COLQ: variants seen among roughly 807,000 people sequenced by gnomAD.
COLQ encodes collagen like tail subunit of asymmetric acetylcholinesterase, also known as acetylcholinesterase collagenic tail peptide.
Under a neutral mutation model 69.0 loss-of-function variants are expected in COLQ, and 48 were observed. The ratio of observed to expected loss-of-function variants is 0.70; its 90% CI spans 0.55 to 0.88. The LOEUF (loss-of-function observed/expected upper bound fraction) is 0.88. Ranked by LOEUF, COLQ falls within the 40% of genes least tolerant of loss-of-function variation. The probability of loss-of-function intolerance (pLI) is 0.00; values close to 1 mark genes in which losing one functional copy is unlikely to be tolerated. For synonymous variants in COLQ, 217 were observed against 211.2 expected (o/e 1.03, Z -0.24); for missense variants, 618 against 594.6 (o/e 1.04, Z -0.41).
intron 15 of COLQ, among the ~76,000 whole-genome samples, chr3:15,454,743 AC>A (rs2062002498): frequency 6.8e-6 from 1 of 147,580 alleles, no homozygotes; most frequent in Non-Finnish European, 1.5e-5. Flanking sequence ...GCAGCCTTGA[AC>A]CCCTGGGCTC....
chr3:15,476,874 C>T (rs529311258), intron 6 of COLQ, among the ~76,000 whole-genome samples: 5 of 152,336 alleles, frequency 3.3e-5, no homozygotes, highest in Admixed American at 6.5e-5. Context: ...AGGAGAACCA[C>T]GGCCCCTGTA....
chr3:15,469,216 A>G (rs1012797037), intron 11 of COLQ, among the ~76,000 whole-genome samples: 8 of 152,206 alleles, frequency 5.3e-5, no homozygotes, highest in African/African-American at 1.9e-4. Context: ...TATGATTCCA[A>G]CGGAATTAGT....
chr3:15,490,133 T>A (rs2062639691), intron 1 of COLQ, among the ~76,000 whole-genome samples: 1 of 152,172 alleles, frequency 6.6e-6, no homozygotes, highest in South Asian at 2.1e-4. Flanking sequence ...TACAAACACA[T>A]TCACGTGTCA....
At chr3:15,509,935 G>A (rs2062961125) in intron 1 of COLQ, among the ~76,000 whole-genome samples, 2 of 151,976 alleles carry the variant, frequency 1.3e-5, no homozygotes, top group Admixed American at 1.3e-4. Flanking sequence ...CACTTTGGGA[G>A]GCCGAGGTGG....
chr3:15,461,964 A>G (rs960232891), intron 12 of COLQ, among the ~76,000 whole-genome samples: 2 of 151,972 alleles, frequency 1.3e-5, no homozygotes, highest in Admixed American at 6.6e-5. Context: ...CCAACTCTGG[A>G]TGATTATCCA....
At chr3:15,467,047 A>C (rs2062210576) in intron 11 of COLQ, among the ~76,000 whole-genome samples, 1 of 152,172 alleles carries the variant, frequency 6.6e-6, no homozygotes, top group Admixed American at 6.5e-5. Flanking sequence ...AAGCTCTCAT[A>C]ACTCAGCCTG....
At chr3:15,464,313 A>G (rs1351600981) in intron 12 of COLQ, among the ~76,000 whole-genome samples, 1 of 152,230 alleles carries the variant, frequency 6.6e-6, no homozygotes, top group African/African-American at 2.4e-5. Flanking sequence ...CACGTATGGC[A>G]TGAGAACAGC....
intron 3 of COLQ, 56 bp from the exon 4 acceptor site, chr3:15,479,438 G>C: frequency 1.3e-6 from 2 of 1,550,756 alleles, no homozygotes; most frequent in East Asian, 4.5e-5. Context: ...AGCTGGATGG[G>C]TGTGAGGCTC....
intron 6 of COLQ, among the ~76,000 whole-genome samples, chr3:15,476,490 C>T (rs751634953): frequency 1.3e-5 from 2 of 152,218 alleles, no homozygotes; most frequent in Non-Finnish European, 2.9e-5. Flanking sequence ...ACTGGACACA[C>T]AGTTTTCCAC....
At chr3:15,470,507 A>C in intron 11 of COLQ, 29 bp downstream of exon 11, 1 of 1,607,528 alleles carries the variant, frequency 6.2e-7, no homozygotes, top group Middle Eastern at 2.0e-4. Context: ...TTCTGACCTC[A>C]GGCGGGTGGT....
In COLQ at chr3:15,451,600, G is replaced by A. The variant is rs769535072; in HGVS notation, c.*44C>T. 8.2e-6 allele frequency: 13 copies of A among 1,577,542 alleles called. No homozygotes were observed. The highest frequency in any genetic ancestry group is 4.4e-5 in the South Asian group (4 of 90,390). On this transcript the variant is annotated 3_prime_UTR_variant, in exon 17 of 17. Transcript: ENST00000383788. ...CCAGTTTGATGACAGTGGAGAAGCTGCTGCCAGTTCTGTGGGGCGCAGCCC... is the reference window on the plus strand; with the variant it reads ...CCAGTTTGATGACAGTGGAGAAGCTACTGCCAGTTCTGTGGGGCGCAGCCC...
chr3:15,487,158 C>T (rs981400565), intron 3 of COLQ, among the ~76,000 whole-genome samples: 3 of 152,010 alleles, frequency 2.0e-5, no homozygotes, highest in East Asian at 1.9e-4. Context: ...TTGTGGTGGT[C>T]GTGTGGGCAG....
chr3:15,483,131 ATTAATT>A (rs1289205451), intron 3 of COLQ, among the ~76,000 whole-genome samples: 2 of 151,962 alleles, frequency 1.3e-5, no homozygotes, highest in Non-Finnish European at 2.9e-5. Flanking sequence ...CTAGCGGTCT[ATTAATT>A]TTATTGATCT....
intron 4 of COLQ, 128 bp from the exon 5 acceptor site, chr3:15,479,131 C>T (rs1051581907): frequency 2.8e-5 from 36 of 1,275,948 alleles, no homozygotes; most frequent in Non-Finnish European, 3.5e-5. Context: ...CTCACGGCCC[C>T]TCTGCCATGT....
In COLQ at chr3:15,470,630, AAG is replaced by A; in HGVS notation, c.637-16_637-15del. 6.2e-7 allele frequency: 1 copy of A among 1,613,300 alleles called. No individual in the cohort carries two copies. Among genetic ancestry groups the A allele is most frequent in the Non-Finnish European group, 8.5e-7 (1 of 1,179,284 alleles). On this transcript the variant is annotated splice_polypyrimidine_tract_variant and intron_variant, in intron 10 of 16. Coordinates refer to ENST00000383788, the MANE Select transcript of COLQ (RefSeq NM_005677.4). ...ACCCATTTCACCCTGGAAAGAAGGA[AAG>A]AGAAGCAAGAGAGGACTTAGGGCAT... is the stretch of plus-strand genomic sequence containing the variant.
At chr3:15,505,371 T>C in intron 1 of COLQ, among the ~76,000 whole-genome samples, 1 of 152,370 alleles carries the variant, frequency 6.6e-6, no homozygotes, top group East Asian at 1.9e-4. Context: ...GTGTCGGTCA[T>C]TATTTTATAT....
chr3:15,485,317 G>A (rs963422959), intron 3 of COLQ, among the ~76,000 whole-genome samples: 4 of 152,356 alleles, frequency 2.6e-5, no homozygotes, highest in African/African-American at 9.6e-5. Context: ...CTACTGGGAG[G>A]TGTCTCCCAG....
intron 6 of COLQ, among the ~76,000 whole-genome samples, chr3:15,476,799 C>T (rs1458615174): frequency 6.6e-6 from 1 of 152,146 alleles, no homozygotes; most frequent in Non-Finnish European, 1.5e-5. Context: ...CAAGAGCTTC[C>T]CAGACGCAAG....
intron 1 of COLQ, among the ~76,000 whole-genome samples, chr3:15,510,768 G>C (rs1175794071): frequency 7.7e-6 from 1 of 129,596 alleles, no homozygotes; most frequent in African/African-American, 2.9e-5. Context: ...GAACAGAGGG[G>C]AGGGGAGGGG....
Sources: gnomAD v4.1 joint callset for allele counts (sites outside exome capture counted in the v4.1 genomes callset) on GRCh38, gnomAD v4.1.1 for gene constraint, MANE v1.5 for transcripts, NCBI Gene and HGNC (gene_info 2026-07-23, HGNC 2026-07-21) for gene names.